Variants in PTPRT observed in about 807,000 individuals in gnomAD.
The protein encoded by PTPRT is receptor-type tyrosine-protein phosphatase T.
Under a neutral mutation model 176.8 loss-of-function variants are expected in PTPRT, and 56 were observed. That is an observed-to-expected ratio of 0.32 (90% CI 0.26 to 0.40). PTPRT has a LOEUF of 0.40. Among genes scored for constraint, PTPRT ranks in the 10% least tolerant of loss-of-function variants. The pLI is 1.00. For synonymous variants in PTPRT, 783 were observed against 739.0 expected, an observed-to-expected ratio of 1.06 and a Z score of -0.96; for missense variants, 1,540 against 1,908.2, an observed-to-expected ratio of 0.81 and a Z score of 3.60.
intron 6 of PTPRT, among the ~76,000 whole-genome samples, chr20:42,696,006 G>C (rs1236146176): frequency 6.6e-6 from 1 of 152,044 alleles, no homozygotes; most frequent in Non-Finnish European, 1.5e-5. Flanking sequence ...GCTGGACCTA[G>C]TGACTCGCTT....
intron 1 of PTPRT, among the ~76,000 whole-genome samples, chr20:42,950,705 A>G (rs1393629203): frequency 1.3e-5 from 2 of 152,156 alleles, no homozygotes; most frequent in African/African-American, 2.4e-5. Context: ...ACATGCCTAT[A>G]CCTTAGCTTT....
chr20:42,337,176 AG>A (rs2145459386), intron 11 of PTPRT, among the ~76,000 whole-genome samples: 2 of 152,314 alleles, frequency 1.3e-5, no homozygotes, highest in South Asian at 4.1e-4. Flanking sequence ...CTGGCTCTAC[AG>A]TTAGACTCAC....
Position 42,756,516 on chromosome 20 carries a change from T to C in PTPRT, c.805A>G (p.Ile269Val). 1 of 1,611,638 alleles carries C rather than the reference T, an allele frequency of 6.2e-7. No individual in the cohort carries two copies. Among genetic ancestry groups the C allele is most frequent in the Non-Finnish European group, 8.5e-7 (1 of 1,178,312 alleles). Residue 269 changes from isoleucine to valine, a missense_variant, in exon 6 of 31, where the codon ATC (isoleucine) becomes GTC (valine). By Grantham distance (29) the Ile-to-Val change is conservative (BLOSUM62 3). Transcript: ENST00000373187. Reference sequence around the variant, plus strand: ...ACACCAGACCCACCATCAGAGCGGATCACACAGCGGTACTTGCTGACGCTC... The same window carrying C: ...ACACCAGACCCACCATCAGAGCGGACCACACAGCGGTACTTGCTGACGCTC... ...QRSVSKYRCV[I>V]RSDGGSGVSN...
chr20:42,542,946 T>C (rs1017594785), intron 7 of PTPRT, among the ~76,000 whole-genome samples: 2 of 152,222 alleles, frequency 1.3e-5, no homozygotes, highest in Admixed American at 1.3e-4. Flanking sequence ...CTAAAATACA[T>C]GAACATTACT....
intron 9 of PTPRT, among the ~76,000 whole-genome samples, chr20:42,353,734 T>TA (rs1427142536): frequency 6.6e-6 from 1 of 152,232 alleles, no homozygotes; most frequent in Non-Finnish European, 1.5e-5. Context: ...TTGTTTGTCT[T>TA]ACCTGGTTTG....
intron 1 of PTPRT, among the ~76,000 whole-genome samples, chr20:42,956,250 G>A (rs921085011): frequency 7.9e-5 from 12 of 152,248 alleles, no homozygotes; most frequent in Non-Finnish European, 7.3e-5. Context: ...CCCCACTGCC[G>A]GAGGTGGGAC....
At chr20:42,776,098 T>A (rs1405183309) in intron 4 of PTPRT, among the ~76,000 whole-genome samples, 1 of 152,178 alleles carries the variant, frequency 6.6e-6, no homozygotes, top group African/African-American at 2.4e-5. Context: ...TTGCTTAAGC[T>A]ACAAATCTGT....
chr20:42,813,924 A>T (rs1386736256), intron 2 of PTPRT, among the ~76,000 whole-genome samples: 7 of 152,128 alleles, frequency 4.6e-5, no homozygotes, highest in African/African-American at 1.4e-4. Context: ...TTTTGCTACC[A>T]TTAGAGAAAG....
In PTPRT at chr20:42,842,597, T is replaced by C. The variant is rs1474015425; in HGVS notation, c.214+43210A>G. 2.0e-5 allele frequency among the ~76,000 whole-genome samples: 3 copies of C among 151,978 alleles called. No individual in the cohort carries two copies. In the East Asian group the frequency reaches 5.8e-4, roughly 29 times the overall value. On this transcript the variant is annotated intron_variant, in intron 2 of 30. Coordinates refer to ENST00000373187, the MANE Select transcript of PTPRT (RefSeq NM_007050.6). ...ACCATGCCCAACAAATTTTTGTATT[T>C]TTAGTAGAGATGGGGTTTCACCATG...
chr20:43,157,824 T>C (rs1197598325), intron 1 of PTPRT, among the ~76,000 whole-genome samples: 1 of 152,108 alleles, frequency 6.6e-6, no homozygotes, highest in Non-Finnish European at 1.5e-5. Context: ...GCCTGATGTG[T>C]TCAAGGAAAA....
At chr20:42,499,913 G>A (rs536602350) in intron 7 of PTPRT, among the ~76,000 whole-genome samples, 1 of 152,176 alleles carries the variant, frequency 6.6e-6, no homozygotes, top group East Asian at 1.9e-4. Flanking sequence ...GATACATGGA[G>A]CTTAAGTTCA....
At chr20:43,000,636 A>T (rs965591116) in intron 1 of PTPRT, among the ~76,000 whole-genome samples, 1 of 152,228 alleles carries the variant, frequency 6.6e-6, no homozygotes, top group African/African-American at 2.4e-5. Flanking sequence ...ATTATAAAAA[A>T]ATCAAAACTT....
intron 7 of PTPRT, among the ~76,000 whole-genome samples, chr20:42,506,820 T>C (rs1202455694): frequency 6.6e-6 from 1 of 152,192 alleles, no homozygotes; most frequent in East Asian, 1.9e-4. Flanking sequence ...CTTGTACTTT[T>C]CCCTGCTGGG....
chr20:42,733,856 T>C (rs1300663215), intron 6 of PTPRT, among the ~76,000 whole-genome samples: 1 of 152,078 alleles, frequency 6.6e-6, no homozygotes, highest in Non-Finnish European at 1.5e-5. Flanking sequence ...GCACGAGGGA[T>C]GTACTGGGAG....
intron 1 of PTPRT, among the ~76,000 whole-genome samples, chr20:42,962,591 T>C (rs1982051270): frequency 6.6e-6 from 1 of 152,208 alleles, no homozygotes; most frequent in East Asian, 1.9e-4. Flanking sequence ...AAATGACTGA[T>C]CTCAGATTTC....
chr20:43,173,926 C>A (rs1006499977), intron 1 of PTPRT, among the ~76,000 whole-genome samples: 1 of 152,182 alleles, frequency 6.6e-6, no homozygotes, highest in East Asian at 1.9e-4. Context: ...CTGAATGAGA[C>A]GACCACAGTG....
At chr20:42,487,192 G>A (rs915062610) in intron 7 of PTPRT, among the ~76,000 whole-genome samples, 1 of 152,194 alleles carries the variant, frequency 6.6e-6, no homozygotes, top group Non-Finnish European at 1.5e-5. Context: ...ATTATGGAAT[G>A]TGTCTCTTGG....
chr20:42,174,816 C>T (rs1324506302), intron 16 of PTPRT, among the ~76,000 whole-genome samples: 1 of 152,184 alleles, frequency 6.6e-6, no homozygotes, highest in Non-Finnish European at 1.5e-5. Flanking sequence ...GCAAGTTACT[C>T]AATCTCTCTG....
At chr20:43,165,133 G>T (rs2014820240) in intron 1 of PTPRT, among the ~76,000 whole-genome samples, 1 of 151,624 alleles carries the variant, frequency 6.6e-6, no homozygotes, top group Non-Finnish European at 1.5e-5. Flanking sequence ...GATGGTTTTA[G>T]AGAGGCCAGT....
Sources: allele counts gnomAD v4.1 joint callset (sites outside exome capture counted in the v4.1 genomes callset), GRCh38; gene constraint gnomAD v4.1.1; transcripts MANE v1.5; gene names NCBI Gene and HGNC (gene_info 2026-07-23, HGNC 2026-07-21).